The following PNKD variants were observed in gnomAD, a reference collection of about 807,000 sequenced individuals.
PNKD encodes the protein PNKD metallo-beta-lactamase domain containing.
A neutral mutation model predicts 45.3 loss-of-function variants in PNKD; 36 were observed. The ratio of observed to expected loss-of-function variants is 0.80; its 90% CI spans 0.61 to 1.05. The LOEUF (loss-of-function observed/expected upper bound fraction) is 1.05, where lower values mean the gene tolerates loss of function less well. Ranked by LOEUF, PNKD falls within the 50% of genes least tolerant of loss-of-function variation. The pLI is 0.00. For synonymous variants in PNKD, 197 were observed against 210.1 expected, an observed-to-expected ratio of 0.94 and a Z score of 0.54; for missense variants, 511 against 506.6, an observed-to-expected ratio of 1.01 and a Z score of -0.08.
intron 2 of PNKD, among the ~76,000 whole-genome samples, chr2:218,314,462 A>G (rs1693714262): frequency 6.6e-6 from 1 of 151,462 alleles, no homozygotes; most frequent in African/African-American, 2.4e-5. Flanking sequence ...GGCTCAAGCG[A>G]TCCTCCCACC....
At chr2:218,308,436 C>A (rs546026348) in intron 2 of PNKD, among the ~76,000 whole-genome samples, 71 of 152,132 alleles carry the variant, frequency 4.7e-4, no homozygotes, top group African/African-American at 1.6e-3. Context: ...ATCTGCCCGC[C>A]TCAGCCTCCC....
At chr2:218,315,116 C>CTTTCTTTCTTT (rs1559521433) in intron 2 of PNKD, among the ~76,000 whole-genome samples, 4 of 130,430 alleles carry the variant, frequency 3.1e-5, no homozygotes, top group African/African-American at 1.2e-4. Context: ...TTCCTTCCTT[C>CTTTCTTTCTTT]CTTCCTTTCT....
intron 2 of PNKD, chr2:218,277,236 GA>G: frequency 8.6e-7 from 1 of 1,163,038 alleles, no homozygotes; most frequent in East Asian, 2.3e-5. Context: ...ACAGAAACAG[GA>G]CACAGTTTTG....
intron 2 of PNKD, chr2:218,278,664 A>G: frequency 7.5e-7 from 1 of 1,330,202 alleles, no homozygotes; most frequent in Non-Finnish European, 1.1e-6. Flanking sequence ...GCCGTTTGGA[A>G]GTCTGAGGGG....
intron 2 of PNKD, among the ~76,000 whole-genome samples, chr2:218,324,663 G>A (rs959983562): frequency 2.0e-5 from 3 of 152,064 alleles, no homozygotes; most frequent in South Asian, 2.1e-4. Flanking sequence ...GGCCAGGTGC[G>A]GTGGCTCACG....
chr2:218,277,650 C>T (rs1015699277), intron 2 of PNKD: 1 of 1,614,142 alleles, frequency 6.2e-7, no homozygotes, highest in East Asian at 2.2e-5. Flanking sequence ...TGGTGCCCGT[C>T]ATGAAGCCCA....
intron 2 of PNKD, among the ~76,000 whole-genome samples, chr2:218,325,590 A>G (rs1159277515): frequency 1.3e-5 from 2 of 152,174 alleles, no homozygotes; most frequent in Admixed American, 1.3e-4. Flanking sequence ...AGATTTTTAA[A>G]TCTACTTCTA....
At chr2:218,344,771 G>T in intron 9 of PNKD, 37 bp from the exon 10 acceptor site, 1 of 1,606,586 alleles carries the variant, frequency 6.2e-7, no homozygotes, top group Non-Finnish European at 8.5e-7. Context: ...CCATTTCCCA[G>T]CTTCTCTCCA....
At chr2:218,323,165 C>T in intron 2 of PNKD, 1 of 1,361,680 alleles carries the variant, frequency 7.3e-7, no homozygotes, top group Non-Finnish European at 9.4e-7. Context: ...CCACAACGCC[C>T]CCACGTCCAG....
At chr2:218,294,425 T>C (rs1693089427) in intron 2 of PNKD, among the ~76,000 whole-genome samples, 2 of 152,334 alleles carry the variant, frequency 1.3e-5, no homozygotes, top group South Asian at 4.1e-4. Flanking sequence ...GAAGGCTCCC[T>C]CTGCTTCACA....
chr2:218,278,589 C>T (rs769279400), intron 2 of PNKD: 8 of 1,614,002 alleles, frequency 5.0e-6, no homozygotes, highest in South Asian at 3.3e-5. Flanking sequence ...GATGGGGAAG[C>T]AGTTCAGGCC....
chr2:218,287,014 T>A (rs899149665), intron 2 of PNKD, among the ~76,000 whole-genome samples: 1 of 152,108 alleles, frequency 6.6e-6, no homozygotes, highest in East Asian at 1.9e-4. Context: ...GCTGACCTCA[T>A]AGCCACGAGA....
intron 2 of PNKD, among the ~76,000 whole-genome samples, chr2:218,317,290 C>T (rs999532711): frequency 1.3e-5 from 2 of 152,140 alleles, no homozygotes; most frequent in Non-Finnish European, 1.5e-5. Flanking sequence ...CTCTGGGGGA[C>T]GGACCAGAAT....
chr2:218,280,219 T>C, intron 2 of PNKD: 1 of 933,494 alleles, frequency 1.1e-6, no homozygotes, highest in South Asian at 1.4e-5. Flanking sequence ...CTCAGGGATC[T>C]CCAGCCAAAA....
intron 2 of PNKD, among the ~76,000 whole-genome samples, chr2:218,315,099 TC>T: frequency 1.3e-4 from 2 of 15,876 alleles, no homozygotes; most frequent in Non-Finnish European, 8.2e-4. Flanking sequence ...TCTCTCTCCT[TC>T]CTTCCTTCCT....
chr2:218,331,796 C>T (rs1275008653), intron 2 of PNKD, among the ~76,000 whole-genome samples: 1 of 152,174 alleles, frequency 6.6e-6, no homozygotes, highest in Non-Finnish European at 1.5e-5. Context: ...TGAATATAGT[C>T]ATATTGTTTT....
At chr2:218,333,984 G>A (rs1030650199) in intron 2 of PNKD, among the ~76,000 whole-genome samples, 10 of 99,834 alleles carry the variant, frequency 1.0e-4, no homozygotes, top group African/African-American at 3.2e-4. Flanking sequence ...GCGTGGTGGC[G>A]GGCACCTGTA....
chr2:218,304,148 C>A (rs1693350878), intron 2 of PNKD, among the ~76,000 whole-genome samples: 1 of 152,088 alleles, frequency 6.6e-6, no homozygotes, highest in Admixed American at 6.6e-5. Context: ...GTCCACACAG[C>A]TCTGTCTTTG....
chr2:218,279,113 G>A (rs369334090), intron 2 of PNKD: 2 of 1,613,938 alleles, frequency 1.2e-6, no homozygotes, highest in Non-Finnish European at 1.7e-6. Context: ...AGGAGGACAG[G>A]AGTAGTCACC....
Sources: gnomAD v4.1 joint callset for allele counts (sites outside exome capture counted in the v4.1 genomes callset) on GRCh38, gnomAD v4.1.1 for gene constraint, MANE v1.5 for transcripts, NCBI Gene and HGNC (gene_info 2026-07-23, HGNC 2026-07-21) for gene names.